Variants in C11orf52 observed in about 807,000 individuals in gnomAD.
C11orf52 encodes chromosome 11 open reading frame 52, also known as uncharacterized protein C11orf52.
Under a neutral mutation model 11.7 loss-of-function variants are expected in C11orf52, and 9 were observed. That is an observed-to-expected ratio of 0.77 (90% CI 0.46 to 1.34). C11orf52 has a LOEUF of 1.34. Among genes scored for constraint, C11orf52 ranks in the 40% most tolerant of loss-of-function variants. C11orf52 has a pLI of 0.00. For missense variants in C11orf52, 139 were observed against 154.8 expected (o/e 0.90, Z 0.54); for synonymous variants, 49 against 57.4 (o/e 0.85, Z 0.66).
chr11:111,920,693 G>T lies in C11orf52; in HGVS notation c.32+1689G>T, dbSNP rs893907649. Among the ~76,000 whole-genome samples, 9 of 152,280 alleles carry T rather than the reference G, an allele frequency of 5.9e-5. No homozygotes were observed. In the South Asian group the frequency reaches 1.9e-3, roughly 32 times the overall value. ...GCAGGAGGATCACCTGAGCCCTGGG[G>T]GTAGAGGCTGCAGTGAACCATGATC... On this transcript the variant is annotated intron_variant, in intron 1 of 3. Transcript: ENST00000278601.
At chr11:111,923,179 CAGCAGTAACATAA>C (rs1470744283) in intron 1 of C11orf52, among the ~76,000 whole-genome samples, 2 of 152,172 alleles carry the variant, frequency 1.3e-5, no homozygotes, top group East Asian at 3.8e-4. Context: ...GCTGACTGAG[CAGCAGTAACATAA>C]AGCAAGAGCT....
intron 2 of C11orf52, 107 bp downstream of exon 2, chr11:111,924,470 A>T: frequency 1.0e-6 from 1 of 970,752 alleles, no homozygotes. Context: ...TGAAAGGATA[A>T]AGGGAGACAG....
At chr11:111,925,068 G>A (rs111552224) in intron 2 of C11orf52, among the ~76,000 whole-genome samples, 3,807 of 152,236 alleles carry the variant, frequency 0.025, 167 homozygotes, top group African/African-American at 0.087. Flanking sequence ...AGGTTGCAGT[G>A]AGTCGAGATC....
At position 111,918,957 on chromosome 11, in the gene C11orf52, T is replaced by A. The variant is rs782251029; in HGVS notation, c.-16T>A. 2 of 1,614,122 alleles carry A rather than the reference T, an allele frequency of 1.2e-6. No homozygotes were observed. The highest frequency in any genetic ancestry group is 4.5e-5 in the East Asian group (2 of 44,862). ...GATGCATAAAAACAGCTGGGCTCCCTTGGAGACAGAGCGCCATGGGAAACC... is the reference window on the plus strand; with the variant it reads ...GATGCATAAAAACAGCTGGGCTCCCATGGAGACAGAGCGCCATGGGAAACC... On this transcript the variant is annotated 5_prime_UTR_variant, in exon 1 of 4. In the 5' UTR this introduces an upstream ATG that the reference lacks. Transcript: ENST00000278601.
rs182256660 is a variant in C11orf52, at chr11:111,922,453, A to G, written c.33-1873A>G. Among the ~76,000 whole-genome samples, 12 of 152,272 alleles carry G rather than the reference A, an allele frequency of 7.9e-5. No individual in the cohort carries two copies. In the East Asian group the frequency reaches 2.3e-3, roughly 29 times the overall value. The stretch of plus-strand genomic sequence containing the variant: ...AGGTAATAATCATTCATTGCAGAAA[A>G]TTTAACTTCTGCAACGAGCAGAAAA... On this transcript the variant is annotated intron_variant, in intron 1 of 3. Coordinates refer to ENST00000278601, the MANE Select transcript of C11orf52 (RefSeq NM_080659.3).
At chr11:111,924,492 G>T (rs1555166768) in intron 2 of C11orf52, 129 bp downstream of exon 2, 1 of 767,936 alleles carries the variant, frequency 1.3e-6, no homozygotes. Flanking sequence ...ACACCAAAGA[G>T]AATCCAGGTT....
rs1555166754 is a variant in C11orf52 at position 111,924,343 on chromosome 11, T to C, written c.50T>C (p.Phe17Ser). The change falls in exon 2 of 4, where the codon TTC becomes TCC. Residue 17 changes from phenylalanine to serine, a missense_variant. Phe to Ser is a radical substitution (Grantham distance 155). Coordinates refer to ENST00000278601, the MANE Select transcript of C11orf52 (RefSeq NM_080659.3). ...CGGSWSCPST[F>S]QKKKKTGSQT... is the part of the protein sequence containing the mutation. ...TATTACAGGAGCTGCCCATCAACTTTCCAGAAGAAAAAGAAAACAGGTAAC... is the reference window on the plus strand; with the variant it reads ...TATTACAGGAGCTGCCCATCAACTTCCCAGAAGAAAAAGAAAACAGGTAAC... 8.7e-6 allele frequency: 14 copies of C among 1,613,246 alleles called. No individual in the cohort carries two copies. The highest frequency in any genetic ancestry group is 1.2e-5 in the Non-Finnish European group (14 of 1,179,658).
At chr11:111,925,200 A>G in intron 2 of C11orf52, among the ~76,000 whole-genome samples, 1 of 145,442 alleles carries the variant, frequency 6.9e-6, no homozygotes, top group Non-Finnish European at 1.5e-5. Flanking sequence ...TCAGCTCATG[A>G]AAAAAAAAAA....
At chr11:111,919,109 G>GCC (rs1965645435) in intron 1 of C11orf52, 105 bp downstream of exon 1, 1 of 1,265,770 alleles carries the variant, frequency 7.9e-7, no homozygotes. Context: ...GCCTCCCACT[G>GCC]CCACCTTCCT....
intron 1 of C11orf52, among the ~76,000 whole-genome samples, chr11:111,920,194 C>G (rs975938393): frequency 1.3e-5 from 2 of 151,170 alleles, no homozygotes; most frequent in East Asian, 3.9e-4. Flanking sequence ...GACTCCGTCT[C>G]AAAAATAAAA....
chr11:111,925,738 C>G (rs782252850), intron 3 of C11orf52, 24 bp downstream of exon 3: 1 of 1,613,444 alleles, frequency 6.2e-7, no homozygotes, highest in Non-Finnish European at 8.5e-7. Flanking sequence ...TCTGTCCCCT[C>G]TCTGGGGCTG....
At position 111,921,265 on chromosome 11, in the gene C11orf52, G is replaced by A. The variant is rs587706834; in HGVS notation, c.32+2261G>A. On this transcript the variant is annotated intron_variant, in intron 1 of 3. Transcript: ENST00000278601. Reference sequence around the variant, plus strand: ...TTATTAAACAGTGTTTATTGAACATGTACTACAGGCACAGTGATAGACACA... The same window carrying A: ...TTATTAAACAGTGTTTATTGAACATATACTACAGGCACAGTGATAGACACA... Among the ~76,000 whole-genome samples the A allele has an allele frequency of 3.9e-5, 6 of 152,324 alleles. No homozygotes were observed. The South Asian group carries it at 1.2e-3, about 32-fold the overall frequency.
intron 1 of C11orf52, among the ~76,000 whole-genome samples, chr11:111,920,633 G>A (rs1221038266): frequency 1.3e-5 from 2 of 151,874 alleles, no homozygotes; most frequent in Non-Finnish European, 2.9e-5. Context: ...GCGTGGTGGT[G>A]CGTGCTTGTA....
At chr11:111,921,755 G>A (rs1965702932) in intron 1 of C11orf52, among the ~76,000 whole-genome samples, 1 of 152,120 alleles carries the variant, frequency 6.6e-6, no homozygotes, top group Admixed American at 6.5e-5. Flanking sequence ...TATATGCTAG[G>A]AACCATGCTA....
In C11orf52 at chr11:111,926,036, TG is replaced by T. The variant is rs782672208; in HGVS notation, c.210del (p.Met70IlefsTer23). On this transcript the variant is annotated frameshift_variant, in exon 4 of 4. Transcript: ENST00000278601. LOFTEE classifies it low-confidence loss of function (END_TRUNC). ...QGSQERSPGL[M>X]SEDSNLHYAD... ...TCTCAAGAGAGGAGTCCAGGCCTCA[TG>T]TCGGAAGACAGCAACTTACATTATG... The T allele has an allele frequency of 1.2e-6, 2 of 1,614,260 alleles. No individual in the cohort carries two copies. Among genetic ancestry groups the T allele is most frequent in the East Asian group, 4.5e-5 (2 of 44,882 alleles).
rs1055534213 is a variant in C11orf52, at chr11:111,925,515, G to A, written c.71-138G>A. On this transcript the variant is annotated intron_variant, in intron 2 of 3. Coordinates refer to ENST00000278601, the MANE Select transcript of C11orf52 (RefSeq NM_080659.3). ...AAGGAGTTTGGATTTAGCACTAGTA[G>A]ACATGAAAGAAGTGAGAATGGAGGC... 3.2e-5 allele frequency: 27 copies of A among 835,590 alleles called. No individual in the cohort carries two copies. The African/African-American group carries it at 3.8e-4, about 12-fold the overall frequency. The allele number at this position is 835,590 out of a possible 1,614,324, so 51.8% of individuals were successfully genotyped here. A position where few individuals can be genotyped will look rare whatever the true frequency, so the allele number is the denominator to read the frequency against.
At chr11:111,925,290 TTTTA>T (rs782163109) in intron 2 of C11orf52, among the ~76,000 whole-genome samples, 4 of 152,160 alleles carry the variant, frequency 2.6e-5, no homozygotes, top group African/African-American at 9.7e-5. Flanking sequence ...GTTTACTTAT[TTTTA>T]TTTATTTGTC....
chr11:111,926,057 A>G lies in C11orf52; in HGVS notation c.230A>G (p.His77Arg). ...CTCATGTCGGAAGACAGCAACTTAC[A>G]TTATGCTGACATTCAAGTGTGCAGC... ...PGLMSEDSNL[H>R]YADIQVCSRP... Residue 77 changes from histidine (H) to arginine (R), a missense_variant, in exon 4 of 4, where the codon CAT becomes CGT. Coordinates refer to ENST00000278601, the MANE Select transcript of C11orf52 (RefSeq NM_080659.3). The G allele has an allele frequency of 6.2e-7, 1 of 1,614,260 alleles. No individual in the cohort carries two copies. The highest frequency in any genetic ancestry group is 2.2e-5 in the East Asian group (1 of 44,890).
In C11orf52 at chr11:111,920,634, C is replaced by T. The variant is rs368842653; in HGVS notation, c.32+1630C>T. Among the ~76,000 whole-genome samples the T allele has an allele frequency of 5.3e-5, 8 of 151,808 alleles. No individual in the cohort carries two copies. The South Asian group carries it at 8.3e-4, about 16-fold the overall frequency. ...TAAAAATTAGCTAGGCGTGGTGGTG[C>T]GTGCTTGTAATCCCAGGTACTTGGG... On this transcript the variant is annotated intron_variant, in intron 1 of 3. Coordinates refer to ENST00000278601, the MANE Select transcript of C11orf52 (RefSeq NM_080659.3).
Sources: gnomAD v4.1 joint callset for allele counts (sites outside exome capture counted in the v4.1 genomes callset) on GRCh38, gnomAD v4.1.1 for gene constraint, MANE v1.5 for transcripts, NCBI Gene and HGNC (gene_info 2026-07-23, HGNC 2026-07-21) for gene names.